The following DGKB variants were observed in gnomAD, a reference collection of about 807,000 sequenced individuals.
The protein encoded by DGKB is diacylglycerol kinase beta, also known as 90 kDa diacylglycerol kinase.
Under a neutral mutation model 114.3 loss-of-function variants are expected in DGKB, and 67 were observed. The observed-to-expected ratio is 0.59, with a 90% CI of 0.48 to 0.72. DGKB has a LOEUF of 0.72. Among genes scored for constraint, DGKB ranks in the 30% least tolerant of loss-of-function variants. DGKB has a pLI of 0.00. For missense variants in DGKB, 907 were observed against 975.2 expected (o/e 0.93, Z 0.93); for synonymous variants, 398 against 323.1 (o/e 1.23, Z -2.49).
rs532443904 is a variant in DGKB at position 14,229,971 on chromosome 7, A to G, written c.2123-51820T>C. Among the ~76,000 whole-genome samples the G allele has an allele frequency of 3.9e-5, 6 of 152,138 alleles. No homozygotes were observed. The South Asian group carries it at 6.2e-4, about 16-fold the overall frequency. Reference sequence around the variant, plus strand: ...GTAATGAAATTTTCCTATCTTTGCCAAAAGGTAAAACTGCTTTATAGTGAA... The same window carrying G: ...GTAATGAAATTTTCCTATCTTTGCCGAAAGGTAAAACTGCTTTATAGTGAA... On this transcript the variant is annotated intron_variant, in intron 23 of 25. Transcript: ENST00000402815.
At chr7:14,726,130 A>T (rs1023547999) in intron 5 of DGKB, among the ~76,000 whole-genome samples, 17 of 151,904 alleles carry the variant, frequency 1.1e-4, no homozygotes, top group East Asian at 1.9e-4. Context: ...TTATTTATTT[A>T]TTTTTATTTA....
chr7:14,500,479 T>C (rs1337118839), intron 20 of DGKB, among the ~76,000 whole-genome samples: 1 of 151,732 alleles, frequency 6.6e-6, no homozygotes, highest in African/African-American at 2.4e-5. Flanking sequence ...TCTTTATTTT[T>C]TTTTTTGCTA....
intron 23 of DGKB, among the ~76,000 whole-genome samples, chr7:14,243,928 T>G (rs1322415883): frequency 6.6e-6 from 1 of 151,996 alleles, no homozygotes; most frequent in Non-Finnish European, 1.5e-5. Flanking sequence ...ATCACCTAAC[T>G]TGAGTAAAAT....
At chr7:14,379,762 G>A (rs1349087368) in intron 21 of DGKB, among the ~76,000 whole-genome samples, 1 of 152,158 alleles carries the variant, frequency 6.6e-6, no homozygotes, top group Non-Finnish European at 1.5e-5. Context: ...GTTTCACCGT[G>A]TTAGCGAGGA....
intron 25 of DGKB, chr7:14,176,393 A>G (rs1240363732): frequency 1.0e-6 from 1 of 984,766 alleles, no homozygotes; most frequent in African/African-American, 1.7e-5. Flanking sequence ...TTTTTTTCTT[A>G]TGGAGAAGAA....
chr7:14,279,086 G>A (rs1378333236), intron 23 of DGKB, among the ~76,000 whole-genome samples: 4 of 152,174 alleles, frequency 2.6e-5, no homozygotes, highest in Non-Finnish European at 4.4e-5. Context: ...AAGGGGTCAG[G>A]GAGTTCCCTT....
intron 23 of DGKB, among the ~76,000 whole-genome samples, chr7:14,252,260 T>C (rs1046018593): frequency 3.9e-5 from 6 of 152,188 alleles, no homozygotes; most frequent in Non-Finnish European, 8.8e-5. Context: ...TTGTGGCTCA[T>C]TGAGTTTCTT....
chr7:14,889,536 A>G (rs1431693137), intron 1 of DGKB, among the ~76,000 whole-genome samples: 1 of 151,598 alleles, frequency 6.6e-6, no homozygotes, highest in African/African-American at 2.4e-5. Flanking sequence ...TGGGAGAGGA[A>G]GCTCATCTCA....
intron 21 of DGKB, among the ~76,000 whole-genome samples, chr7:14,423,996 A>G (rs1398134791): frequency 6.6e-6 from 1 of 152,078 alleles, no homozygotes; most frequent in African/African-American, 2.4e-5. Flanking sequence ...GCCATATTTC[A>G]TCACTTTCAA....
intron 2 of DGKB, among the ~76,000 whole-genome samples, chr7:14,827,677 G>C (rs1031622873): frequency 6.6e-6 from 1 of 152,004 alleles, no homozygotes; most frequent in African/African-American, 2.4e-5. Context: ...GTTTATTTTT[G>C]AAATGTGGAG....
At chr7:14,360,140 AG>A (rs1419808037) in intron 21 of DGKB, among the ~76,000 whole-genome samples, 4 of 152,184 alleles carry the variant, frequency 2.6e-5, no homozygotes, top group African/African-American at 9.6e-5. Flanking sequence ...GCCATAAAAA[AG>A]GATGAGTTCA....
intron 1 of DGKB, among the ~76,000 whole-genome samples, chr7:14,923,102 G>C (rs551511674): frequency 6.6e-6 from 1 of 152,226 alleles, no homozygotes; most frequent in East Asian, 1.9e-4. Flanking sequence ...ACAGTTTGAA[G>C]TTTTATTCCA....
intron 23 of DGKB, among the ~76,000 whole-genome samples, chr7:14,313,588 A>G (rs6461087): frequency 0.052 from 7,917 of 152,174 alleles, 505 homozygotes; most frequent in African/African-American, 0.15. Flanking sequence ...CTTAAAAAAC[A>G]GCGCACCACG....
intron 7 of DGKB, among the ~76,000 whole-genome samples, chr7:14,701,308 A>G (rs964816274): frequency 6.6e-6 from 1 of 152,220 alleles, no homozygotes; most frequent in Admixed American, 6.5e-5. Flanking sequence ...TTCTACTTAT[A>G]GTCTCAAGTT....
At chr7:14,655,066 C>T (rs933641074) in intron 13 of DGKB, among the ~76,000 whole-genome samples, 11 of 151,584 alleles carry the variant, frequency 7.3e-5, no homozygotes, top group South Asian at 6.2e-4. Flanking sequence ...TTTTGCTCAG[C>T]GAAGGAAACA....
chr7:14,698,346 G>T (rs535824304), intron 7 of DGKB, among the ~76,000 whole-genome samples, 177 bp from the exon 8 acceptor site: 2 of 152,162 alleles, frequency 1.3e-5, no homozygotes, highest in South Asian at 4.1e-4. Flanking sequence ...AAAGAAAAAA[G>T]AATCCTGAAT....
At chr7:14,754,002 T>A in intron 3 of DGKB, 54 bp from the exon 4 acceptor site, 1 of 1,160,434 alleles carries the variant, frequency 8.6e-7, no homozygotes, top group Non-Finnish European at 1.3e-6. Context: ...TACTTTATAC[T>A]CATTATCTCA....
At chr7:14,741,226 G>C (rs141386501) in intron 4 of DGKB, among the ~76,000 whole-genome samples, 1,974 of 152,288 alleles carry the variant, frequency 0.013, 38 homozygotes, top group Non-Finnish European at 0.013. Context: ...CCAGAAGGCT[G>C]ACATGCTGGC....
chr7:14,381,126 G>GCTGCCATCT (rs1169358036), intron 21 of DGKB, among the ~76,000 whole-genome samples: 1 of 152,192 alleles, frequency 6.6e-6, no homozygotes, highest in Non-Finnish European at 1.5e-5. Context: ...TTCTCTCTGT[G>GCTGCCATCT]CTGCCATCTC....
Sources: allele counts gnomAD v4.1 joint callset (sites outside exome capture counted in the v4.1 genomes callset), GRCh38; gene constraint gnomAD v4.1.1; transcripts MANE v1.5; gene names NCBI Gene and HGNC (gene_info 2026-07-23, HGNC 2026-07-21).